Variants in SPATA6L observed in about 807,000 individuals in gnomAD.
The protein encoded by SPATA6L is spermatogenesis associated 6-like protein.
Under a neutral mutation model 49.2 loss-of-function variants are expected in SPATA6L, and 68 were observed. The ratio of observed to expected loss-of-function variants is 1.38; its 90% CI spans 1.14 to 1.69. The LOEUF is 1.69. Ranked by LOEUF, SPATA6L falls within the 40% of genes most tolerant of loss-of-function variation. SPATA6L has a pLI of 0.00. For missense variants in SPATA6L, 668 were observed against 464.3 expected (o/e 1.44, Z -4.03); for synonymous variants, 198 against 165.7 (o/e 1.19, Z -1.50).
In SPATA6L at chr9:4,632,314, G is replaced by A. The variant is rs200441901; in HGVS notation, c.351+2961C>T. On this transcript the variant is annotated intron_variant, in intron 4 of 11. Coordinates refer to ENST00000682582, the MANE Select transcript of SPATA6L (RefSeq NM_001353486.2). ...TCAGCTGCTTCAAGATGAAGCTGAAGGCCGGGCACAGTGGCTCATGCCTGT... is the reference window on the plus strand; with the variant it reads ...TCAGCTGCTTCAAGATGAAGCTGAAAGCCGGGCACAGTGGCTCATGCCTGT... 5.3e-5 allele frequency among the ~76,000 whole-genome samples: 8 copies of A among 151,968 alleles called. No individual in the cohort carries two copies. The East Asian group carries it at 1.5e-3, about 29-fold the overall frequency.
intron 3 of SPATA6L, among the ~76,000 whole-genome samples, chr9:4,652,179 C>T (rs301485): frequency 6.6e-6 from 1 of 151,968 alleles, no homozygotes; most frequent in South Asian, 2.1e-4. Context: ...CCAGCACTTT[C>T]GGAGGCCAAG....
At chr9:4,643,141 C>T (rs988907870) in intron 3 of SPATA6L, among the ~76,000 whole-genome samples, 9 of 151,924 alleles carry the variant, frequency 5.9e-5, no homozygotes, top group Admixed American at 1.3e-4. Flanking sequence ...CCAAGTAGCT[C>T]GGATTACAGG....
downstream of SPATA6L, among the ~76,000 whole-genome samples, chr9:4,594,624 G>A (rs189494044): frequency 3.3e-5 from 5 of 152,282 alleles, no homozygotes; most frequent in African/African-American, 1.2e-4. Flanking sequence ...GTCTATAGAG[G>A]TTGGTGCATT....
At chr9:4,614,105 G>A (rs952173306) in intron 9 of SPATA6L, among the ~76,000 whole-genome samples, 3 of 152,150 alleles carry the variant, frequency 2.0e-5, no homozygotes, top group Admixed American at 6.5e-5. Flanking sequence ...TGGGAGCAGC[G>A]CTGTGCCTTT....
At chr9:4,659,871 T>C (rs952694563) in intron 2 of SPATA6L, among the ~76,000 whole-genome samples, 4 of 152,006 alleles carry the variant, frequency 2.6e-5, no homozygotes, top group African/African-American at 9.7e-5. Flanking sequence ...TCAGAAATAA[T>C]ACCACACATC....
At chr9:4,630,331 A>G (rs951895893) in intron 4 of SPATA6L, among the ~76,000 whole-genome samples, 1 of 152,204 alleles carries the variant, frequency 6.6e-6, no homozygotes, top group African/African-American at 2.4e-5. Flanking sequence ...TCCCCAAAAA[A>G]CAGGCCTAAA....
At chr9:4,652,184 G>A (rs890325838) in intron 3 of SPATA6L, among the ~76,000 whole-genome samples, 1 of 152,124 alleles carries the variant, frequency 6.6e-6, no homozygotes, top group Non-Finnish European at 1.5e-5. Context: ...ACTTTCGGAG[G>A]CCAAGGCAGG....
At position 4,622,406 on chromosome 9, in the gene SPATA6L, A is replaced by G; in HGVS notation, c.772+2T>C. ...TACAGGAGTAACAAGAAACTCGAGT[A>G]CCTCTTCTCGTTGGAAACGGAAAGT... is the stretch of plus-strand genomic sequence containing the variant. On this transcript the variant is annotated splice_donor_variant, in intron 7 of 11. Transcript: ENST00000682582. LOFTEE classifies it high-confidence loss of function. 6.3e-7 allele frequency: 1 copy of G among 1,588,750 alleles called. No homozygotes were observed. The highest frequency in any genetic ancestry group is 8.6e-7 in the Non-Finnish European group (1 of 1,157,264).
rs370150285 is a variant in SPATA6L at position 4,666,192 on chromosome 9, G to C, written c.39+20C>G. On this transcript the variant is annotated intron_variant, in intron 1 of 11. Transcript: ENST00000682582. ...GAGTCCGACTTGAGGTTAAGGAGGGGGAGTTCATCGATCTCTTACCGCCCG... is the reference window on the plus strand; with the variant it reads ...GAGTCCGACTTGAGGTTAAGGAGGGCGAGTTCATCGATCTCTTACCGCCCG... 3.7e-6 allele frequency: 6 copies of C among 1,613,654 alleles called. No individual in the cohort carries two copies. Among genetic ancestry groups the C allele is most frequent in the Non-Finnish European group, 5.1e-6 (6 of 1,179,742 alleles).
chr9:4,640,232 G>A (rs1279598147), intron 3 of SPATA6L, among the ~76,000 whole-genome samples: 2 of 152,112 alleles, frequency 1.3e-5, no homozygotes, highest in African/African-American at 4.8e-5. Context: ...CTGCCCCCCT[G>A]TGTCCATTCC....
intron 3 of SPATA6L, among the ~76,000 whole-genome samples, chr9:4,651,223 G>C (rs796981788): frequency 1.3e-5 from 2 of 152,116 alleles, no homozygotes; most frequent in African/African-American, 4.8e-5. Flanking sequence ...ATTTTTAAGG[G>C]AATACTATGA....
At chr9:4,617,818 C>G (rs1455699526) in intron 9 of SPATA6L, 105 bp downstream of exon 9, 3 of 935,482 alleles carry the variant, frequency 3.2e-6, no homozygotes, top group African/African-American at 1.7e-5. Context: ...CAAGGTGTCA[C>G]CAGCTGAATA....
chr9:4,594,779 C>T (rs1383060198), downstream of SPATA6L, among the ~76,000 whole-genome samples: 5 of 152,140 alleles, frequency 3.3e-5, no homozygotes, highest in East Asian at 1.9e-4. Flanking sequence ...TCTCTTCCCA[C>T]GTAATTCTTG....
At chr9:4,650,995 C>T (rs1245030322) in intron 3 of SPATA6L, among the ~76,000 whole-genome samples, 1 of 152,034 alleles carries the variant, frequency 6.6e-6, no homozygotes, top group East Asian at 1.9e-4. Flanking sequence ...AGCCACCGTG[C>T]CCGGCGTAGA....
intron 3 of SPATA6L, among the ~76,000 whole-genome samples, chr9:4,637,647 G>A (rs1054228195): frequency 2.0e-5 from 3 of 152,166 alleles, no homozygotes; most frequent in Non-Finnish European, 2.9e-5. Context: ...ATCACTAACG[G>A]TAGACATTTT....
chr9:4,621,482 T>C (rs2130399784), intron 7 of SPATA6L, among the ~76,000 whole-genome samples: 1 of 150,504 alleles, frequency 6.6e-6, no homozygotes, highest in African/African-American at 2.5e-5. Context: ...TAATGGAATG[T>C]GTGCTATTCT....
chr9:4,589,686 C>T (rs1356920395), intron 13 of SPATA6L, among the ~76,000 whole-genome samples: 4 of 152,128 alleles, frequency 2.6e-5, no homozygotes, highest in South Asian at 2.1e-4. Context: ...ACATAACACC[C>T]CTTCAAACAT....
chr9:4,648,357 T>C (rs560938330), intron 3 of SPATA6L, among the ~76,000 whole-genome samples: 2 of 152,330 alleles, frequency 1.3e-5, no homozygotes, highest in East Asian at 3.9e-4. Flanking sequence ...AATTCTTTTT[T>C]TAAAATTTTT....
chr9:4,625,154 T>A (rs1830100254), intron 6 of SPATA6L, 173 bp downstream of exon 6: 1 of 1,252,602 alleles, frequency 8.0e-7, no homozygotes, highest in African/African-American at 1.5e-5. Context: ...TTCTAGGGGT[T>A]TCCTGACAAC....
Sources: gnomAD v4.1 joint callset for allele counts (sites outside exome capture counted in the v4.1 genomes callset) on GRCh38, gnomAD v4.1.1 for gene constraint, MANE v1.5 for transcripts, NCBI Gene and HGNC (gene_info 2026-07-23, HGNC 2026-07-21) for gene names.